Variants in LIMK2 observed in about 807,000 individuals in gnomAD.
The protein encoded by LIMK2 is LIM domain kinase 2.
LIMK2 carries 35 observed loss-of-function variants against 75.7 expected under a neutral mutation model. The ratio of observed to expected loss-of-function variants is 0.46; its 90% CI spans 0.35 to 0.61. LIMK2 has a LOEUF of 0.61. LIMK2 is among the 20% of genes least tolerant of loss of function. The pLI, the probability that LIMK2 is intolerant of heterozygous loss-of-function variation, is 0.00. For synonymous variants in LIMK2, 301 were observed against 319.2 expected, an observed-to-expected ratio of 0.94 and a Z score of 0.61; for missense variants, 623 against 831.0, an observed-to-expected ratio of 0.75 and a Z score of 3.08.
At chr22:31,276,881 CCAAGGAGCTACGGAAGCACCT>C (rs2049031984) in intron 15 of LIMK2, 1 of 1,612,468 alleles carries the variant, frequency 6.2e-7, no homozygotes, top group South Asian at 1.1e-5. Context: ...AAGTATGACC[CCAAGGAGCTACGGAAGCACCT>C]CAACCTAGAG....
At chr22:31,235,299 G>A (rs553154707) in intron 2 of LIMK2, among the ~76,000 whole-genome samples, 6 of 152,262 alleles carry the variant, frequency 3.9e-5, no homozygotes, top group African/African-American at 9.6e-5. Flanking sequence ...AGCAGCCACC[G>A]TGGCTGCAGT....
At chr22:31,275,353 G>T (rs774884734) in intron 15 of LIMK2, 45 bp downstream of exon 15, 21 of 1,602,692 alleles carry the variant, frequency 1.3e-5, no homozygotes, top group East Asian at 2.2e-5. Flanking sequence ...GTCCTGGGAC[G>T]TTTGCCTCTG....
Position 31,278,518 on chromosome 22 carries a change from G to GAAT in LIMK2, c.*77_*78insAAT. 7.0e-7 allele frequency: 1 copy of GAAT among 1,438,518 alleles called. No homozygotes were observed. The highest frequency in any genetic ancestry group is 9.2e-7 in the Non-Finnish European group (1 of 1,082,210). The allele number at this position is 1,438,518 out of a possible 1,614,324, so 89.1% of individuals were successfully genotyped here. The stretch of plus-strand genomic sequence containing the variant: ...TGTGCCCCATTCCTGCTGTGAGCAG[G>GAAT]GCCGTCCGGGCTTCCTGTGGATTGG... On this transcript the variant is annotated 3_prime_UTR_variant, in exon 16 of 16. Transcript: ENST00000331728.
intron 2 of LIMK2, among the ~76,000 whole-genome samples, chr22:31,247,361 C>G (rs2048680407): frequency 6.6e-6 from 1 of 152,184 alleles, no homozygotes; most frequent in Non-Finnish European, 1.5e-5. Context: ...GATACCTAGG[C>G]TTATCAATCC....
chr22:31,272,572 A>C lies in LIMK2; in HGVS notation c.1426A>C (p.Ile476Leu), dbSNP rs780736822. 6.2e-7 allele frequency: 1 copy of C among 1,613,762 alleles called. No individual in the cohort carries two copies. Among genetic ancestry groups the C allele is most frequent in the Admixed American group, 1.7e-5 (1 of 59,926 alleles). ...VVADFGLSRL[I>L]VEERKRAPME... Reference sequence around the variant, plus strand: ...GGCAGACTTTGGGCTGTCACGGCTCATAGTGGAAGAGAGGAAAAGGGCCCC... The same window carrying C: ...GGCAGACTTTGGGCTGTCACGGCTCCTAGTGGAAGAGAGGAAAAGGGCCCC... Residue 476 changes from isoleucine (I) to leucine (L), a missense_variant, in exon 13 of 16, where the codon ATA becomes CTA. Physicochemically the swap from Ile to Leu is conservative, Grantham distance 5. Around this residue, in one of 3 missense-constraint regions of LIMK2, gnomAD observed 514 missense variants for 661.3 expected, o/e 0.78. Transcript: ENST00000331728.
chr22:31,268,636 A>C (rs1398838991), intron 11 of LIMK2, among the ~76,000 whole-genome samples: 1 of 152,224 alleles, frequency 6.6e-6, no homozygotes, highest in African/African-American at 2.4e-5. Context: ...AAGTGACAGG[A>C]GCAAAGACCT....
intron 14 of LIMK2, among the ~76,000 whole-genome samples, chr22:31,274,253 T>TAAAC (rs1397478630): frequency 2.6e-5 from 4 of 152,106 alleles, no homozygotes; most frequent in Non-Finnish European, 5.9e-5. Context: ...CTTGGAAAGA[T>TAAAC]TCCTACCTTT....
At chr22:31,226,374 T>TGTATTTTA (rs1227567218) in intron 2 of LIMK2, among the ~76,000 whole-genome samples, 1 of 151,352 alleles carries the variant, frequency 6.6e-6, no homozygotes, top group Non-Finnish European at 1.5e-5. Flanking sequence ...AGCTAATTTT[T>TGTATTTTA]GTATTTTAGT....
At chr22:31,220,362 T>C (rs901941279) in intron 1 of LIMK2, among the ~76,000 whole-genome samples, 2 of 152,224 alleles carry the variant, frequency 1.3e-5, no homozygotes, top group Admixed American at 6.5e-5. Context: ...TTGGAACTTA[T>C]CTTTGGAAAT....
chr22:31,245,396 G>A (rs1158983766), intron 2 of LIMK2, among the ~76,000 whole-genome samples: 1 of 152,124 alleles, frequency 6.6e-6, no homozygotes, highest in Non-Finnish European at 1.5e-5. Context: ...CTGCCTCCTG[G>A]GTTCAAGCGA....
intron 15 of LIMK2, 66 bp from the exon 16 acceptor site, chr22:31,278,231 C>T: frequency 7.0e-7 from 1 of 1,429,326 alleles, no homozygotes; most frequent in South Asian, 1.3e-5. Context: ...AGCCTAGATC[C>T]CTTCCACCCA....
chr22:31,228,052 G>A (rs1376679444), intron 2 of LIMK2, among the ~76,000 whole-genome samples: 1 of 151,862 alleles, frequency 6.6e-6, no homozygotes, highest in African/African-American at 2.4e-5. Context: ...GTGTGTGTGA[G>A]ATAGAGACAG....
chr22:31,273,311 C>A, intron 13 of LIMK2, 141 bp from the exon 14 acceptor site: 1 of 720,452 alleles, frequency 1.4e-6, no homozygotes, highest in Non-Finnish European at 2.4e-6. Context: ...CAGGTGGTGT[C>A]TGCGCAGGAC....
At chr22:31,232,174 C>T (rs2048534714) in intron 2 of LIMK2, among the ~76,000 whole-genome samples, 1 of 151,348 alleles carries the variant, frequency 6.6e-6, no homozygotes, top group Admixed American at 6.6e-5. Context: ...AGTAACTTGT[C>T]CAGGGTCACA....
intron 1 of LIMK2, among the ~76,000 whole-genome samples, chr22:31,213,150 T>C (rs536507477): frequency 6.6e-6 from 1 of 152,234 alleles, no homozygotes; most frequent in Admixed American, 6.5e-5. Flanking sequence ...TTGGCCTCTC[T>C]AGACTAAAGA....
chr22:31,255,466 G>C (rs1234670101), intron 2 of LIMK2, among the ~76,000 whole-genome samples: 1 of 152,160 alleles, frequency 6.6e-6, no homozygotes, highest in African/African-American at 2.4e-5. Context: ...ATAGCCATCA[G>C]TGTTTGTTGA....
chr22:31,220,409 T>G (rs1014033176), intron 1 of LIMK2, among the ~76,000 whole-genome samples: 1 of 152,152 alleles, frequency 6.6e-6, no homozygotes, highest in African/African-American at 2.4e-5. Flanking sequence ...AAATTTTCAG[T>G]TGGGTTCACC....
intron 2 of LIMK2, among the ~76,000 whole-genome samples, chr22:31,226,636 G>GTC (rs2048482086): frequency 8.2e-6 from 1 of 122,360 alleles, no homozygotes; most frequent in Non-Finnish European, 1.9e-5. Context: ...TTGAGACAGA[G>GTC]TCTCGCTCTG....
In LIMK2 at chr22:31,278,473, T is replaced by A. The variant is rs1481908061; in HGVS notation, c.*32T>A. 6.4e-7 allele frequency: 1 copy of A among 1,567,838 alleles called. No individual in the cohort carries two copies. Among genetic ancestry groups the A allele is most frequent in the Admixed American group, 1.9e-5 (1 of 53,566 alleles). On this transcript the variant is annotated 3_prime_UTR_variant, in exon 16 of 16. Transcript: ENST00000331728. ...CCCAGCCCCCTGCAGGGGGGTGTTC[T>A]ACAGCCAGCATTGCCCCTCTGTGCC...
Sources: gnomAD v4.1 joint callset for allele counts (sites outside exome capture counted in the v4.1 genomes callset) on GRCh38, gnomAD v4.1.1 for gene constraint, gnomAD v4.1.1 regional missense constraint, MANE v1.5 for transcripts, NCBI Gene and HGNC (gene_info 2026-07-23, HGNC 2026-07-21) for gene names.